The following LRRTM4 variants were observed in gnomAD, a reference collection of about 807,000 sequenced individuals.
LRRTM4 encodes the protein leucine rich repeat transmembrane neuronal 4.
A neutral mutation model predicts 47.6 loss-of-function variants in LRRTM4; 25 were observed. The observed-to-expected ratio is 0.53, with a 90% CI of 0.38 to 0.73. LRRTM4 has a LOEUF of 0.73. Among genes scored for constraint, LRRTM4 ranks in the 30% least tolerant of loss-of-function variants. LRRTM4 has a pLI of 0.00. For missense variants in LRRTM4, 638 were observed against 713.4 expected (o/e 0.89, Z 1.20); for synonymous variants, 311 against 269.5 (o/e 1.15, Z -1.51).
intron 3 of LRRTM4, among the ~76,000 whole-genome samples, chr2:76,947,325 G>A (rs62170338): frequency 0.027 from 4,075 of 151,886 alleles, 81 homozygotes; most frequent in Non-Finnish European, 0.04. Context: ...AGATGAGAGA[G>A]TTAAAAGCTA....
intron 3 of LRRTM4, among the ~76,000 whole-genome samples, chr2:77,399,174 T>C (rs1206264870): frequency 6.6e-6 from 1 of 151,100 alleles, no homozygotes; most frequent in East Asian, 1.9e-4. Context: ...GGGCTTTTTT[T>C]TTTTTTAATT....
At chr2:77,469,015 C>T (rs916000457) in intron 3 of LRRTM4, among the ~76,000 whole-genome samples, 1 of 152,150 alleles carries the variant, frequency 6.6e-6, no homozygotes, top group Non-Finnish European at 1.5e-5. Context: ...TGTGGCTGAA[C>T]GATGTCCCAT....
Position 77,085,815 on chromosome 2 carries a change from G to A in LRRTM4, c.1552-336899C>T, listed in dbSNP as rs1680691715. ...TCTTATCACAAACTGATTAGCTAAT[G>A]TAAAATATATAGAGCTAAAATGATT... is the stretch of plus-strand genomic sequence containing the variant. On this transcript the variant is annotated intron_variant, in intron 3 of 3. Coordinates refer to ENST00000409884, the MANE Select transcript of LRRTM4 (RefSeq NM_001134745.3). Among the ~76,000 whole-genome samples, 3 of 152,228 alleles carry A rather than the reference G, an allele frequency of 2.0e-5. No individual in the cohort carries two copies. In the South Asian group the frequency reaches 6.2e-4, roughly 32 times the overall value.
chr2:77,113,322 G>T (rs984066727), intron 3 of LRRTM4, among the ~76,000 whole-genome samples: 1 of 152,140 alleles, frequency 6.6e-6, no homozygotes, highest in Non-Finnish European at 1.5e-5. Context: ...AGTACAAAAA[G>T]TCTGTAATAC....
intron 3 of LRRTM4, among the ~76,000 whole-genome samples, chr2:77,252,914 C>A (rs1317036686): frequency 6.6e-6 from 1 of 152,104 alleles, no homozygotes; most frequent in Non-Finnish European, 1.5e-5. Flanking sequence ...TAGATGGCTG[C>A]CTTCTTCCTA....
At chr2:76,940,139 G>T (rs928209631) in intron 3 of LRRTM4, among the ~76,000 whole-genome samples, 1 of 151,986 alleles carries the variant, frequency 6.6e-6, no homozygotes, top group Non-Finnish European at 1.5e-5. Context: ...CCACTACTGG[G>T]TATATACCTA....
chr2:77,287,406 ATATC>A (rs1229974058), intron 3 of LRRTM4, among the ~76,000 whole-genome samples: 1 of 151,722 alleles, frequency 6.6e-6, no homozygotes, highest in Admixed American at 6.6e-5. Flanking sequence ...TATATATTAT[ATATC>A]TATCATATGT....
intron 3 of LRRTM4, among the ~76,000 whole-genome samples, chr2:76,834,802 T>C (rs185642634): frequency 2.0e-5 from 3 of 152,146 alleles, no homozygotes; most frequent in East Asian, 3.9e-4. Context: ...TCAATGAAAA[T>C]AGAAGAAATA....
intron 3 of LRRTM4, among the ~76,000 whole-genome samples, chr2:77,164,558 A>C (rs1057481729): frequency 6.6e-6 from 1 of 152,172 alleles, no homozygotes; most frequent in African/African-American, 2.4e-5. Flanking sequence ...CATAGTTGGA[A>C]GTAAAGAAAG....
intron 3 of LRRTM4, among the ~76,000 whole-genome samples, chr2:76,842,027 T>G (rs1671699478): frequency 2.0e-5 from 3 of 152,140 alleles, no homozygotes; most frequent in African/African-American, 7.2e-5. Flanking sequence ...TGGTTAAACA[T>G]TATTTCTGGG....
intron 3 of LRRTM4, among the ~76,000 whole-genome samples, chr2:77,491,104 G>C (rs533997070): frequency 6.6e-6 from 1 of 152,004 alleles, no homozygotes; most frequent in South Asian, 2.1e-4. Flanking sequence ...GAAACAGACA[G>C]AGAGAGAGAA....
At chr2:77,243,443 A>ATACTATCTGATTCTACTTATAT (rs1675331687) in intron 3 of LRRTM4, among the ~76,000 whole-genome samples, 1 of 149,204 alleles carries the variant, frequency 6.7e-6, no homozygotes, top group Non-Finnish European at 1.5e-5. Context: ...ATAAAAAAAA[A>ATACTATCTGATTCTACTTATAT]AGATAAATAC....
At chr2:77,449,167 T>C (rs1454995094) in intron 3 of LRRTM4, among the ~76,000 whole-genome samples, 1 of 152,186 alleles carries the variant, frequency 6.6e-6, no homozygotes. Context: ...TCTGATTAGT[T>C]TAACCAACAT....
intron 3 of LRRTM4, among the ~76,000 whole-genome samples, chr2:77,219,777 G>T (rs1305649206): frequency 3.3e-5 from 5 of 152,142 alleles, no homozygotes; most frequent in Admixed American, 2.0e-4. Flanking sequence ...TTGACCTCTG[G>T]GGGCAGGGCA....
intron 3 of LRRTM4, among the ~76,000 whole-genome samples, chr2:76,911,937 G>GC (rs1491550037): frequency 1.1e-4 from 1 of 8,852 alleles, no homozygotes; most frequent in African/African-American, 2.7e-4. Flanking sequence ...GTGCTTTTTG[G>GC]GGGGGGGGGG....
chr2:76,958,649 GTTCT>G (rs1201984981), intron 3 of LRRTM4, among the ~76,000 whole-genome samples: 5 of 151,574 alleles, frequency 3.3e-5, no homozygotes, highest in Non-Finnish European at 7.4e-5. Flanking sequence ...TTTCACTCAT[GTTCT>G]TTGTTTCATT....
intron 3 of LRRTM4, among the ~76,000 whole-genome samples, chr2:77,232,962 A>G (rs1017452825): frequency 6.6e-6 from 1 of 152,222 alleles, no homozygotes; most frequent in African/African-American, 2.4e-5. Context: ...TGGCAAAACT[A>G]TAACAAAAAA....
At chr2:77,139,972 A>G (rs1010257814) in intron 3 of LRRTM4, among the ~76,000 whole-genome samples, 2 of 152,220 alleles carry the variant, frequency 1.3e-5, no homozygotes, top group African/African-American at 2.4e-5. Context: ...ATGAAATAAA[A>G]GAGGACCCCA....
At chr2:76,749,111 T>C (rs1437731296) in intron 3 of LRRTM4, among the ~76,000 whole-genome samples, 195 bp from the exon 4 acceptor site, 7 of 152,228 alleles carry the variant, frequency 4.6e-5, no homozygotes, top group Admixed American at 6.5e-5. Context: ...ATTATGTGTA[T>C]AGACTTTGTA....
Sources: allele counts gnomAD v4.1 joint callset (sites outside exome capture counted in the v4.1 genomes callset), GRCh38; gene constraint gnomAD v4.1.1; transcripts MANE v1.5; gene names NCBI Gene and HGNC (gene_info 2026-07-23, HGNC 2026-07-21).